The following MACROD2 variants were observed in gnomAD, a reference collection of about 807,000 sequenced individuals.
MACROD2 encodes mono-ADP ribosylhydrolase 2, also known as ADP-ribose glycohydrolase MACROD2.
A neutral mutation model predicts 70.4 loss-of-function variants in MACROD2; 36 were observed. The ratio of observed to expected loss-of-function variants is 0.51; its 90% CI spans 0.39 to 0.68. MACROD2 has a LOEUF of 0.68. MACROD2 is among the 30% of genes least tolerant of loss of function. MACROD2 has a pLI of 0.00. For synonymous variants in MACROD2, 172 were observed against 178.8 expected (o/e 0.96, Z 0.30); for missense variants, 496 against 538.4 (o/e 0.92, Z 0.78).
At chr20:15,790,978 C>T (rs1600896642) in intron 8 of MACROD2, among the ~76,000 whole-genome samples, 1 of 151,832 alleles carries the variant, frequency 6.6e-6, no homozygotes, top group South Asian at 2.1e-4. Context: ...TGTTATTACC[C>T]TGTTATGATT....
At chr20:15,999,339 G>A (rs1485428345) in intron 15 of MACROD2, among the ~76,000 whole-genome samples, 2 of 152,040 alleles carry the variant, frequency 1.3e-5, no homozygotes, top group Non-Finnish European at 2.9e-5. Context: ...TGTTTGTGAT[G>A]AGAAAAAATA....
At chr20:14,131,910 T>C (rs2054723339) in intron 3 of MACROD2, among the ~76,000 whole-genome samples, 1 of 151,884 alleles carries the variant, frequency 6.6e-6, no homozygotes, top group Non-Finnish European at 1.5e-5. Context: ...GTCAGGTGGA[T>C]CATGAGGTCA....
At chr20:14,157,731 A>C (rs1043389265) in intron 3 of MACROD2, among the ~76,000 whole-genome samples, 4 of 152,146 alleles carry the variant, frequency 2.6e-5, no homozygotes, top group African/African-American at 4.8e-5. Flanking sequence ...CCTCCTCTTC[A>C]ATCCATGTTG....
At chr20:16,035,057 A>G (rs1335983587) in intron 15 of MACROD2, among the ~76,000 whole-genome samples, 1 of 136,964 alleles carries the variant, frequency 7.3e-6, no homozygotes, top group Non-Finnish European at 1.6e-5. Flanking sequence ...TATAGAATAT[A>G]AAATATTATA....
chr20:15,671,795 A>G (rs2049983496), intron 8 of MACROD2, among the ~76,000 whole-genome samples: 1 of 152,228 alleles, frequency 6.6e-6, no homozygotes, highest in South Asian at 2.1e-4. Flanking sequence ...AGTGAGGTTG[A>G]GTCTGTGAGC....
intron 5 of MACROD2, among the ~76,000 whole-genome samples, chr20:14,938,683 G>A (rs112856917): frequency 0.27 from 41,543 of 151,738 alleles, 5,790 homozygotes; most frequent in African/African-American, 0.32. Flanking sequence ...AAGGAGGCTG[G>A]GGCGGGAGGA....
chr20:14,903,763 G>A (rs1267501541), intron 5 of MACROD2, among the ~76,000 whole-genome samples: 1 of 152,080 alleles, frequency 6.6e-6, no homozygotes, highest in South Asian at 2.1e-4. Context: ...GTAAGAGTGG[G>A]CAGATCTGCT....
chr20:15,111,177 G>GT (rs11482162), intron 5 of MACROD2, among the ~76,000 whole-genome samples: 63,146 of 140,580 alleles, frequency 0.45, 14,614 homozygotes, highest in African/African-American at 0.54. Context: ...GTTTTTGTTT[G>GT]TTTTTTTTTT....
intron 5 of MACROD2, among the ~76,000 whole-genome samples, chr20:15,211,978 G>T (rs1213207624): frequency 6.6e-6 from 1 of 152,158 alleles, no homozygotes; most frequent in Non-Finnish European, 1.5e-5. Flanking sequence ...TCCTATCACT[G>T]ATGTATGAGG....
chr20:15,235,153 G>A (rs962385585), intron 6 of MACROD2, among the ~76,000 whole-genome samples: 8 of 152,072 alleles, frequency 5.3e-5, no homozygotes, highest in African/African-American at 1.7e-4. Flanking sequence ...GAATGACAAC[G>A]TGTAATAGAG....
intron 6 of MACROD2, among the ~76,000 whole-genome samples, chr20:15,232,674 A>G (rs2145987056): frequency 6.6e-6 from 1 of 152,132 alleles, no homozygotes; most frequent in Non-Finnish European, 1.5e-5. Flanking sequence ...AGGAAATATC[A>G]CTTATTTCTT....
rs150011498 is a variant in MACROD2, at chr20:14,553,325, A to G, written c.301+59817A>G. On this transcript the variant is annotated intron_variant, in intron 4 of 17. Coordinates refer to ENST00000684519, the MANE Select transcript of MACROD2 (RefSeq NM_001351661.2). ...GAATGTCTTCAGGGCCAATACATGC[A>G]TGGAACTGTCATCTCCTATGATAAT... is the stretch of plus-strand genomic sequence containing the variant. 1.1e-3 allele frequency among the ~76,000 whole-genome samples: 170 copies of G among 151,624 alleles called. 1 individual carries two copies. Among genetic ancestry groups the G allele is most frequent in the African/African-American group, 4.0e-3 (165 of 41,384 alleles).
intron 10 of MACROD2, among the ~76,000 whole-genome samples, chr20:15,889,103 T>C (rs556906532): frequency 2.0e-5 from 3 of 152,290 alleles, no homozygotes; most frequent in South Asian, 2.1e-4. Flanking sequence ...ACTGGGGTGC[T>C]TGTAAATTAA....
At chr20:15,539,715 C>A (rs780788828) in intron 8 of MACROD2, among the ~76,000 whole-genome samples, 1 of 152,160 alleles carries the variant, frequency 6.6e-6, no homozygotes, top group East Asian at 1.9e-4. Flanking sequence ...GAGCCGGGCA[C>A]GGTGGCTCAT....
At chr20:14,169,963 G>A (rs1305384750) in intron 3 of MACROD2, among the ~76,000 whole-genome samples, 5 of 151,846 alleles carry the variant, frequency 3.3e-5, no homozygotes, top group African/African-American at 9.7e-5. Context: ...GTGCAATCAC[G>A]GCTCACTGCA....
intron 6 of MACROD2, among the ~76,000 whole-genome samples, chr20:15,394,668 TAGTC>T (rs1361547586): frequency 6.6e-6 from 1 of 152,218 alleles, no homozygotes; most frequent in Non-Finnish European, 1.5e-5. Context: ...CAGGTCTTAA[TAGTC>T]AGTCCAAACT....
Position 15,729,830 on chromosome 20 carries a change from G to GTTTTTTTTTTTTT in MACROD2, c.646-132915_646-132914insTTTTTTTTTTTTT, listed in dbSNP as rs1487779107. On this transcript the variant is annotated intron_variant, in intron 8 of 17. Coordinates refer to ENST00000684519, the MANE Select transcript of MACROD2 (RefSeq NM_001351661.2). ...TGAACACAGCATGCAGTTGGGTCAT[G>GTTTTTTTTTTTTT]CTTTTTTTTTTTTTTTGGATGGAGT... Among the ~76,000 whole-genome samples the GTTTTTTTTTTTTT allele has an allele frequency of 3.7e-3, 37 of 9,962 alleles. 1 individual carries two copies. Among genetic ancestry groups the GTTTTTTTTTTTTT allele is most frequent in the Non-Finnish European group, 5.4e-3 (19 of 3,492 alleles). The allele number at this position is 9,962 out of a possible 152,430, so 6.5% of individuals were successfully genotyped here.
chr20:14,599,851 G>T (rs905728396), intron 4 of MACROD2, among the ~76,000 whole-genome samples: 8 of 152,284 alleles, frequency 5.3e-5, no homozygotes, highest in Admixed American at 3.3e-4. Flanking sequence ...GCGGACAGGG[G>T]AGGATTTCAG....
At chr20:15,104,821 C>G (rs1362682139) in intron 5 of MACROD2, among the ~76,000 whole-genome samples, 1 of 152,080 alleles carries the variant, frequency 6.6e-6, no homozygotes, top group Non-Finnish European at 1.5e-5. Flanking sequence ...TAGATATTAG[C>G]TATTAAAATA....
Sources: allele counts gnomAD v4.1 joint callset (sites outside exome capture counted in the v4.1 genomes callset), GRCh38; gene constraint gnomAD v4.1.1; transcripts MANE v1.5; gene names NCBI Gene and HGNC (gene_info 2026-07-23, HGNC 2026-07-21).